RNF135: variants seen among roughly 807,000 people sequenced by gnomAD.
RNF135 encodes ring finger protein 135, also known as E3 ubiquitin-protein ligase RNF135.
Under a neutral mutation model 41.9 loss-of-function variants are expected in RNF135, and 46 were observed. The observed-to-expected ratio is 1.10, with a 90% CI of 0.87 to 1.40. RNF135 has a LOEUF of 1.40. Among genes scored for constraint, RNF135 ranks in the 40% most tolerant of loss-of-function variants. RNF135 has a pLI of 0.00. For synonymous variants in RNF135, 238 were observed against 223.8 expected, an observed-to-expected ratio of 1.06 and a Z score of -0.57; for missense variants, 539 against 549.8, an observed-to-expected ratio of 0.98 and a Z score of 0.20.
Position 30,997,234 on chromosome 17 carries a change from T to C in RNF135, c.680-8T>C. 6.2e-7 allele frequency: 1 copy of C among 1,612,722 alleles called. No homozygotes were observed. The highest frequency in any genetic ancestry group is 8.5e-7 in the Non-Finnish European group (1 of 1,178,784). On this transcript the variant is annotated splice_polypyrimidine_tract_variant and splice_region_variant and intron_variant, in intron 3 of 4. Transcript: ENST00000328381. The stretch of plus-strand genomic sequence containing the variant: ...GGACTTTCCTCTGTTAATTTTTTTG[T>C]TACTTAGGAGAACTCCTGGAAGCCC...
At chr17:30,961,743 C>T in the RNF135 span, among the ~76,000 whole-genome samples, 3 of 152,092 alleles carry the variant, frequency 2.0e-5, no homozygotes, top group East Asian at 3.9e-4. Flanking sequence ...GGATTACATG[C>T]GTGAGCCACC....
chr17:30,995,244 T>C (rs559465244), intron 3 of RNF135, among the ~76,000 whole-genome samples: 3 of 152,056 alleles, frequency 2.0e-5, no homozygotes, highest in Non-Finnish European at 2.9e-5. Context: ...AAAAATTAGC[T>C]GGGTGTGGTG....
chr17:30,975,229 A>G (rs1567737556), intron 1 of RNF135, among the ~76,000 whole-genome samples: 1 of 151,970 alleles, frequency 6.6e-6, no homozygotes, highest in African/African-American at 2.4e-5. Flanking sequence ...AGACTGAGGT[A>G]CGAAGAACAC....
chr17:30,992,456 G>A (rs1265436093), intron 3 of RNF135, among the ~76,000 whole-genome samples: 1 of 151,332 alleles, frequency 6.6e-6, no homozygotes, highest in Non-Finnish European at 1.5e-5. Flanking sequence ...GCAATTCCTG[G>A]TCTCTAAATG....
At chr17:30,980,760 CG>C in intron 1 of RNF135, among the ~76,000 whole-genome samples, 1 of 131,220 alleles carries the variant, frequency 7.6e-6, no homozygotes, top group East Asian at 2.4e-4. Flanking sequence ...ACATCTCAGA[CG>C]ATGGGCGGCC....
intron 3 of RNF135, among the ~76,000 whole-genome samples, chr17:30,994,381 C>A (rs796845639): frequency 3.3e-5 from 5 of 151,720 alleles, no homozygotes; most frequent in African/African-American, 1.2e-4. Flanking sequence ...ACTTCTCTAC[C>A]AAAAATACAA....
intron 3 of RNF135, among the ~76,000 whole-genome samples, chr17:30,993,040 T>TTTATTATTATTATTATTATTA (rs58023443): frequency 1.4e-5 from 2 of 146,294 alleles, no homozygotes; most frequent in African/African-American, 5.2e-5. Flanking sequence ...GTTTTATTTG[T>TTTATTATTATTATTATTATTA]TTATTATTAT....
chr17:30,964,144 T>C, the RNF135 span, among the ~76,000 whole-genome samples: 2 of 152,012 alleles, frequency 1.3e-5, no homozygotes, highest in African/African-American at 2.4e-5. Context: ...TCCTAGCACT[T>C]TGGGAGGCTG....
At chr17:30,966,236 G>A (rs1016244163), upstream of RNF135, among the ~76,000 whole-genome samples, 2 of 152,086 alleles carry the variant, frequency 1.3e-5, no homozygotes, top group Non-Finnish European at 2.9e-5. Flanking sequence ...AGGAATGAGC[G>A]AAGACAGCCA....
At chr17:30,975,361 C>T in intron 1 of RNF135, 2 of 742,284 alleles carry the variant, frequency 2.7e-6, no homozygotes, top group Non-Finnish European at 5.0e-6. Context: ...TGCACCTGAG[C>T]CCAGGCACAC....
At chr17:30,970,875 G>A (rs1905832729), upstream of RNF135, 1 of 750,584 alleles carries the variant, frequency 1.3e-6, no homozygotes, top group Admixed American at 2.9e-5. Flanking sequence ...GGTCAGCTCT[G>A]TCTTTCCAGC....
upstream of RNF135, chr17:30,970,356 G>A (rs1475245026): frequency 3.3e-5 from 5 of 152,300 alleles, no homozygotes; most frequent in East Asian, 9.7e-4. Context: ...TGTCTGTTGG[G>A]AAACGCGCTT....
intron 1 of RNF135, among the ~76,000 whole-genome samples, chr17:30,979,979 C>CG (rs1906925586): frequency 1.0e-5 from 1 of 99,052 alleles, no homozygotes; most frequent in Admixed American, 9.3e-5. Flanking sequence ...GCTGGCCAGG[C>CG]GGGGGGCTGA....
chr17:30,970,826 C>G, upstream of RNF135: 1 of 567,866 alleles, frequency 1.8e-6, no homozygotes, highest in Non-Finnish European at 3.1e-6. Context: ...TAGCAGCTCG[C>G]GGCATGTTGG....
intron 1 of RNF135, chr17:30,971,817 T>G (rs1056496640): frequency 1.3e-6 from 1 of 745,016 alleles, no homozygotes; most frequent in Non-Finnish European, 1.7e-6. Context: ...GGAGTCTCGC[T>G]CTGTCGCCCA....
At chr17:30,988,211 C>T in intron 3 of RNF135, 105 bp downstream of exon 3, 1 of 1,088,066 alleles carries the variant, frequency 9.2e-7, no homozygotes. Context: ...CAGAGTCCAG[C>T]TGTATTACCA....
the RNF135 span, among the ~76,000 whole-genome samples, chr17:30,961,759 C>T: frequency 2.0e-5 from 3 of 151,934 alleles, no homozygotes; most frequent in Non-Finnish European, 2.9e-5. Flanking sequence ...CCACCGCGCC[C>T]GGCCCTGACA....
At chr17:30,978,281 AT>A (rs749723237) in intron 1 of RNF135, among the ~76,000 whole-genome samples, 5 of 152,074 alleles carry the variant, frequency 3.3e-5, no homozygotes, top group Non-Finnish European at 5.9e-5. Flanking sequence ...CTTTCTGTAG[AT>A]TTGGGAAGTT....
In RNF135 at chr17:30,990,914, C is replaced by T. The variant is rs149006105; in HGVS notation, c.679+2808C>T. On this transcript the variant is annotated intron_variant, in intron 3 of 4. Coordinates refer to ENST00000328381, the MANE Select transcript of RNF135 (RefSeq NM_032322.4). The stretch of plus-strand genomic sequence containing the variant: ...TTACTCCATCCTCTGCAGATGAATA[C>T]GTGATTGTTTCCAATTGTTTACAAT... Among the ~76,000 whole-genome samples the T allele has an allele frequency of 3.8e-3, 583 of 152,222 alleles. 7 individuals are homozygous for T. The highest frequency in any genetic ancestry group is 0.013 in the African/African-American group (554 of 41,530).
Sources: allele counts gnomAD v4.1 joint callset (sites outside exome capture counted in the v4.1 genomes callset), GRCh38; gene constraint gnomAD v4.1.1; transcripts MANE v1.5; gene names NCBI Gene and HGNC (gene_info 2026-07-23, HGNC 2026-07-21).